PRKCA: variants seen among roughly 807,000 people sequenced by gnomAD.
PRKCA encodes protein kinase C alpha.
A neutral mutation model predicts 87.0 loss-of-function variants in PRKCA; 27 were observed. The observed-to-expected ratio is 0.31, with a 90% confidence interval of 0.23 to 0.43. The LOEUF (loss-of-function observed/expected upper bound fraction) is 0.43. Among genes scored for constraint, PRKCA ranks in the 20% least tolerant of loss-of-function variants. The pLI, the probability that PRKCA is intolerant of heterozygous loss-of-function variation, is 1.00. For missense variants in PRKCA, 518 were observed against 852.3 expected, an observed-to-expected ratio of 0.61 and a Z score of 4.88; for synonymous variants, 329 against 311.1, an observed-to-expected ratio of 1.06 and a Z score of -0.61.
chr17:66,714,570 G>T (rs1380527199), intron 8 of PRKCA, among the ~76,000 whole-genome samples: 3 of 151,976 alleles, frequency 2.0e-5, no homozygotes, highest in African/African-American at 7.3e-5. Flanking sequence ...GTCTTCTGAC[G>T]CTGCCACCTG....
In PRKCA at chr17:66,544,581, A is replaced by G. The variant is rs531395366; in HGVS notation, c.288+48298A>G. On this transcript the variant is annotated intron_variant, in intron 3 of 16. Transcript: ENST00000413366. ...CTTTTAGTCTTCTTTATTCAAAGAAAGAATTACCAATATCATTTTTTTTTT... is the reference window on the plus strand; with the variant it reads ...CTTTTAGTCTTCTTTATTCAAAGAAGGAATTACCAATATCATTTTTTTTTT... Among the ~76,000 whole-genome samples the G allele has an allele frequency of 2.0e-5, 3 of 152,296 alleles. No homozygotes were observed. In the South Asian group the frequency reaches 6.2e-4, roughly 32 times the overall value.
chr17:66,442,680 A>G (rs1913835338), intron 2 of PRKCA, among the ~76,000 whole-genome samples: 1 of 152,106 alleles, frequency 6.6e-6, no homozygotes, highest in Admixed American at 6.5e-5. Flanking sequence ...TATTTAATTC[A>G]TGTTCACCTC....
Position 66,706,541 on chromosome 17 carries a change from G to T in PRKCA, c.918+17494G>T, listed in dbSNP as rs7211716. On this transcript the variant is annotated intron_variant, in intron 8 of 16. Coordinates refer to ENST00000413366, the MANE Select transcript of PRKCA (RefSeq NM_002737.3). ...ACCTGTAGTCCCAGCTGGAGGCTGA[G>T]GCAGGAGAATGGCATGAACCCGGGA... Among the ~76,000 whole-genome samples the T allele has an allele frequency of 3.9e-3, 597 of 151,988 alleles. 6 individuals are homozygous for T. Among genetic ancestry groups the T allele is most frequent in the African/African-American group, 0.013 (559 of 41,426 alleles).
intron 3 of PRKCA, among the ~76,000 whole-genome samples, chr17:66,585,070 G>C (rs1007913052): frequency 1.3e-5 from 2 of 151,982 alleles, no homozygotes; most frequent in Non-Finnish European, 1.5e-5. Context: ...ATGGGGAGGG[G>C]GGGGTGGTGG....
chr17:66,594,312 G>A lies in PRKCA; in HGVS notation c.289-47043G>A, dbSNP rs1380477183. 5.9e-5 allele frequency among the ~76,000 whole-genome samples: 9 copies of A among 152,206 alleles called. No homozygotes were observed. The South Asian group carries it at 1.7e-3, about 28-fold the overall frequency. On this transcript the variant is annotated intron_variant, in intron 3 of 16. Coordinates refer to ENST00000413366, the MANE Select transcript of PRKCA (RefSeq NM_002737.3). ...GCTCTTCCTGGCATATGTTGGTTGG[G>A]TGGGGTGGTCTAAGGACTGCAGGAT...
chr17:66,726,693 TG>T (rs2144180146), intron 8 of PRKCA, among the ~76,000 whole-genome samples: 1 of 148,128 alleles, frequency 6.8e-6, no homozygotes, highest in Admixed American at 6.7e-5. Context: ...CTCTGTCGTG[TG>T]GGAAGCCGGT....
At chr17:66,725,616 G>A (rs1973726785) in intron 8 of PRKCA, among the ~76,000 whole-genome samples, 2 of 151,386 alleles carry the variant, frequency 1.3e-5, no homozygotes, top group Non-Finnish European at 2.9e-5. Flanking sequence ...TTTGAGACCA[G>A]CCTGGGCAAC....
intron 2 of PRKCA, among the ~76,000 whole-genome samples, chr17:66,396,867 A>G (rs1353956190): frequency 1.3e-5 from 2 of 150,286 alleles, no homozygotes; most frequent in Non-Finnish European, 3.0e-5. Flanking sequence ...TAATGCTGCC[A>G]TGAATACCTT....
intron 2 of PRKCA, among the ~76,000 whole-genome samples, chr17:66,378,606 T>C (rs1164907188): frequency 6.6e-6 from 1 of 151,988 alleles, no homozygotes; most frequent in South Asian, 2.1e-4. Flanking sequence ...TTCATATAAA[T>C]GTAATTGAGC....
chr17:66,735,443 A>G (rs747282111), intron 9 of PRKCA, 46 bp from the exon 10 acceptor site: 9 of 1,610,122 alleles, frequency 5.6e-6, no homozygotes, highest in South Asian at 2.2e-5. Context: ...CTGCCCCCCA[A>G]GATATGTGCT....
At chr17:66,747,103 G>T (rs887681378) in intron 13 of PRKCA, among the ~76,000 whole-genome samples, 2 of 151,984 alleles carry the variant, frequency 1.3e-5, no homozygotes, top group South Asian at 4.2e-4. Context: ...ACAGAGTTTC[G>T]CTCTGTCGTC....
intron 6 of PRKCA, among the ~76,000 whole-genome samples, chr17:66,687,883 C>G (rs1972671117): frequency 6.6e-6 from 1 of 152,188 alleles, no homozygotes; most frequent in African/African-American, 2.4e-5. Context: ...ATACAGGAAG[C>G]AGTTTTTCTG....
At chr17:66,513,730 A>G (rs916205357) in intron 3 of PRKCA, among the ~76,000 whole-genome samples, 1 of 152,222 alleles carries the variant, frequency 6.6e-6, no homozygotes, top group Non-Finnish European at 1.5e-5. Flanking sequence ...GCAGCCATTA[A>G]GAATGATGCT....
chr17:66,495,888 T>G (rs1217724853), intron 2 of PRKCA, among the ~76,000 whole-genome samples: 1 of 152,142 alleles, frequency 6.6e-6, no homozygotes, highest in Non-Finnish European at 1.5e-5. Flanking sequence ...CAAAATGTTC[T>G]AAATTTTGTT....
At chr17:66,441,293 G>T (rs1159790408) in intron 2 of PRKCA, among the ~76,000 whole-genome samples, 1 of 151,524 alleles carries the variant, frequency 6.6e-6, no homozygotes, top group Non-Finnish European at 1.5e-5. Flanking sequence ...GCAGTGAGCT[G>T]TGATCACACC....
intron 8 of PRKCA, among the ~76,000 whole-genome samples, chr17:66,694,141 A>G (rs986714621): frequency 6.6e-6 from 1 of 152,126 alleles, no homozygotes; most frequent in Non-Finnish European, 1.5e-5. Flanking sequence ...TTCTCGATTC[A>G]ATGGTTTGAT....
chr17:66,589,197 A>G (rs1969717586), intron 3 of PRKCA, among the ~76,000 whole-genome samples: 1 of 152,084 alleles, frequency 6.6e-6, no homozygotes, highest in Non-Finnish European at 1.5e-5. Context: ...CATCCTCCCA[A>G]ACTAGAAGCA....
intron 3 of PRKCA, among the ~76,000 whole-genome samples, chr17:66,510,532 A>G (rs568347226): frequency 1.4e-4 from 22 of 152,202 alleles, no homozygotes; most frequent in Non-Finnish European, 2.9e-4. Context: ...ACCAATTGCA[A>G]TTCAAAAGGG....
chr17:66,534,327 C>T (rs1967686551), intron 3 of PRKCA, among the ~76,000 whole-genome samples: 1 of 152,062 alleles, frequency 6.6e-6, no homozygotes, highest in Admixed American at 6.6e-5. Context: ...CGATTCTTAT[C>T]CCTAATTGAC....
Sources: gnomAD v4.1 joint callset for allele counts (sites outside exome capture counted in the v4.1 genomes callset) on GRCh38, gnomAD v4.1.1 for gene constraint, MANE v1.5 for transcripts, NCBI Gene and HGNC (gene_info 2026-07-23, HGNC 2026-07-21) for gene names.